The following NHSL2 variants were observed in gnomAD, a reference collection of about 807,000 sequenced individuals.
NHSL2 encodes the protein NHS like 2, also known as NHS-like protein 2.
NHSL2 carries 27 observed loss-of-function variants against 53.4 expected under a neutral mutation model. The ratio of observed to expected loss-of-function variants is 0.51; its 90% CI spans 0.37 to 0.70. The LOEUF (loss-of-function observed/expected upper bound fraction) is 0.70, where lower values mean the gene tolerates loss of function less well. NHSL2 is among the 30% of genes least tolerant of loss of function. The probability of loss-of-function intolerance (pLI) is 0.00; values close to 1 mark genes in which losing one functional copy is unlikely to be tolerated. For missense variants in NHSL2, 892 were observed against 980.1 expected (o/e 0.91, Z 1.20); for synonymous variants, 408 against 404.1 (o/e 1.01, Z -0.12).
At chrX:72,113,254 G>A (rs1471773251) in intron 1 of NHSL2, among the ~76,000 whole-genome samples, 1 of 111,550 alleles carries the variant, frequency 9.0e-6, no homozygotes, top group Non-Finnish European at 1.9e-5. Flanking sequence ...GATTCCTCTG[G>A]TTGCTGTGTG....
At chrX:72,140,806 C>T (rs2042412843) in intron 6 of NHSL2, 35 bp downstream of exon 6, 1 of 1,083,418 alleles carries the variant, frequency 9.2e-7, no homozygotes, top group African/African-American at 1.8e-5. Flanking sequence ...TTCCTTCAGT[C>T]ACAGGAGAGA....
intron 1 of NHSL2, among the ~76,000 whole-genome samples, chrX:71,954,116 C>T (rs1338643177): frequency 8.9e-6 from 1 of 112,323 alleles, no homozygotes; most frequent in Non-Finnish European, 1.9e-5. Context: ...GGGGGGCTGT[C>T]CCTGGCATGC....
At chrX:72,095,478 C>G (rs776543337) in intron 1 of NHSL2, among the ~76,000 whole-genome samples, 18 of 111,968 alleles carry the variant, frequency 1.6e-4, no homozygotes, top group Non-Finnish European at 2.8e-4. Flanking sequence ...TTTGTCAGAC[C>G]AAGAATTCTG....
At chrX:72,043,007 T>A in intron 1 of NHSL2, among the ~76,000 whole-genome samples, 1 of 111,346 alleles carries the variant, frequency 9.0e-6, no homozygotes, top group Non-Finnish European at 1.9e-5. Context: ...GTGCCAGGCC[T>A]GGACTAGGTA....
chrX:71,911,378 C>T lies in NHSL2; in HGVS notation c.280+11C>T, dbSNP rs775172707. 4.8e-6 allele frequency: 5 copies of T among 1,048,151 alleles called. No individual in the cohort carries two copies. The Admixed American group carries it at 1.1e-4, about 23-fold the overall frequency. The allele number at this position is 1,048,151 out of a possible 1,213,427, so 86.4% of individuals were successfully genotyped here. Reference sequence around the variant, plus strand: ...ACGAGGAAGAGCTAGGTAAAAACGGCGCCCCGGTGGCTCGCGGCCCCGCGT... The same window carrying T: ...ACGAGGAAGAGCTAGGTAAAAACGGTGCCCCGGTGGCTCGCGGCCCCGCGT... On this transcript the variant is annotated intron_variant, in intron 1 of 7. Transcript: ENST00000633930.
At chrX:72,034,071 C>T (rs1253796454) in intron 1 of NHSL2, among the ~76,000 whole-genome samples, 2 of 110,964 alleles carry the variant, frequency 1.8e-5, no homozygotes, top group Non-Finnish European at 3.8e-5. Flanking sequence ...TGTTCTTTAC[C>T]ACGTTGAGGA....
chrX:72,120,114 A>AT (rs1218562064), intron 1 of NHSL2, among the ~76,000 whole-genome samples: 2 of 112,114 alleles, frequency 1.8e-5, no homozygotes. Flanking sequence ...GTTTGCTAAT[A>AT]TTTTGTTGGG....
At chrX:72,132,028 C>T (rs2042309117) in intron 1 of NHSL2, 51 bp from the exon 2 acceptor site, 5 of 1,149,361 alleles carry the variant, frequency 4.4e-6, no homozygotes, top group South Asian at 3.9e-5. Flanking sequence ...CCGCCGCGCG[C>T]CGCTCCCCTC....
intron 1 of NHSL2, among the ~76,000 whole-genome samples, chrX:72,101,543 A>G (rs1391823950): frequency 2.7e-5 from 3 of 110,353 alleles, no homozygotes; most frequent in Non-Finnish European, 3.8e-5. Context: ...CCCACTGCCT[A>G]AGTTCTAAAC....
At chrX:71,985,779 C>T (rs1404155057) in intron 1 of NHSL2, among the ~76,000 whole-genome samples, 1 of 112,293 alleles carries the variant, frequency 8.9e-6, no homozygotes, top group Non-Finnish European at 1.9e-5. Context: ...TTCAGCTTTC[C>T]ATGAGTCTTG....
chrX:72,049,009 A>G lies in NHSL2; in HGVS notation c.281-83070A>G, dbSNP rs7473728. 1.9e-3 allele frequency among the ~76,000 whole-genome samples: 165 copies of G among 86,160 alleles called. 1 individual carries two copies. The highest frequency in any genetic ancestry group is 0.016 in the East Asian group (44 of 2,807). The allele number at this position is 86,160 out of a possible 115,157, so 74.8% of individuals were successfully genotyped here. ...GAGGAGAAGAAGAAGAAGAAGAAGA[A>G]GAAGAGGAAGAGGAAGAGGAAGAGG... On this transcript the variant is annotated intron_variant, in intron 1 of 7. Coordinates refer to ENST00000633930, the MANE Select transcript of NHSL2 (RefSeq NM_001013627.3).
chrX:72,132,262 G>T lies in NHSL2; in HGVS notation c.436+28G>T, dbSNP rs755010886. ...ACCGAGAGGGAGGGGGGCTGCGGCC[G>T]GAGCCCAGAAGCGAGATGCGCAGCG... On this transcript the variant is annotated intron_variant, in intron 2 of 7. Coordinates refer to ENST00000633930, the MANE Select transcript of NHSL2 (RefSeq NM_001013627.3). The T allele has an allele frequency of 4.9e-5, 56 of 1,135,100 alleles. No individual in the cohort carries two copies. In the African/African-American group the frequency reaches 9.3e-4, roughly 19 times the overall value. The allele number at this position is 1,135,100 out of a possible 1,213,427, so 93.5% of individuals were successfully genotyped here.
intron 1 of NHSL2, among the ~76,000 whole-genome samples, chrX:72,097,767 A>G (rs953304345): frequency 1.8e-5 from 2 of 111,920 alleles, no homozygotes; most frequent in African/African-American, 6.5e-5. Context: ...GAAGCTGGAG[A>G]GCTTTTTTCC....
At chrX:72,081,287 C>T (rs960330855) in intron 1 of NHSL2, among the ~76,000 whole-genome samples, 4 of 112,254 alleles carry the variant, frequency 3.6e-5, no homozygotes, top group Non-Finnish European at 7.5e-5. Context: ...CCTCAGGAGG[C>T]AAAGCTGAGG....
intron 1 of NHSL2, among the ~76,000 whole-genome samples, chrX:72,070,593 A>G (rs1022062987): frequency 3.6e-5 from 4 of 110,649 alleles, no homozygotes; most frequent in Non-Finnish European, 7.6e-5. Flanking sequence ...TTACCCTCCT[A>G]TCTACCCCTT....
intron 1 of NHSL2, among the ~76,000 whole-genome samples, chrX:71,920,313 TAGAG>T (rs1454999948): frequency 1.8e-5 from 2 of 112,000 alleles, no homozygotes; most frequent in African/African-American, 6.5e-5. Flanking sequence ...CTAAAGCACC[TAGAG>T]AGTTTTTTTA....
chrX:72,025,413 A>G (rs143799599), intron 1 of NHSL2, among the ~76,000 whole-genome samples: 1,359 of 111,311 alleles, frequency 0.012, 17 homozygotes, highest in African/African-American at 0.042. Flanking sequence ...CACCTCACCT[A>G]TGCACTCTCA....
At chrX:72,049,061 C>CAGGAGG (rs1347249114) in intron 1 of NHSL2, among the ~76,000 whole-genome samples, 1 of 71,595 alleles carries the variant, frequency 1.4e-5, no homozygotes, top group Non-Finnish European at 2.7e-5. Flanking sequence ...AGAAGAGGAG[C>CAGGAGG]AGGAGGAGGA....
At chrX:71,977,194 T>G (rs142030523) in intron 1 of NHSL2, among the ~76,000 whole-genome samples, 1,607 of 111,643 alleles carry the variant, frequency 0.014, 38 homozygotes, top group African/African-American at 0.049. Context: ...AATCTCCATT[T>G]TGCCACTTAA....
Sources: gnomAD v4.1 joint callset for allele counts (sites outside exome capture counted in the v4.1 genomes callset) on GRCh38, gnomAD v4.1.1 for gene constraint, MANE v1.5 for transcripts, NCBI Gene and HGNC (gene_info 2026-07-23, HGNC 2026-07-21) for gene names.